Variants in PADI4 observed in about 807,000 individuals in gnomAD.
The protein encoded by PADI4 is peptidyl arginine deiminase 4.
In PADI4, 62 loss-of-function variants were observed where a neutral mutation model predicts 75.0. That is an observed-to-expected ratio of 0.83 (90% CI 0.67 to 1.02). PADI4 has a LOEUF of 1.02. PADI4 is among the 50% of genes least tolerant of loss of function. The pLI is 0.00. For synonymous variants in PADI4, 361 were observed against 348.1 expected (o/e 1.04, Z -0.41); for missense variants, 845 against 850.5 (o/e 0.99, Z 0.08).
At chr1:17,347,764 A>T (rs1361238642) in intron 9 of PADI4, among the ~76,000 whole-genome samples, 177 bp from the exon 10 acceptor site, 1 of 152,214 alleles carries the variant, frequency 6.6e-6, no homozygotes, top group Non-Finnish European at 1.5e-5. Context: ...GCACTGGGCA[A>T]ACAGGGGGCA....
At chr1:17,337,694 G>A (rs944284894) in intron 4 of PADI4, among the ~76,000 whole-genome samples, 14 of 152,056 alleles carry the variant, frequency 9.2e-5, no homozygotes, top group Admixed American at 2.0e-4. Context: ...GAGGAGGATG[G>A]ATCATGAGGT....
chr1:17,355,970 C>G lies in PADI4; in HGVS notation c.1311-13C>G. 1 of 1,614,160 alleles carries G rather than the reference C, an allele frequency of 6.2e-7. No individual in the cohort carries two copies. Among genetic ancestry groups the G allele is most frequent in the Middle Eastern group, 1.7e-4 (1 of 6,032 alleles). ...TTGCTGCCGATAACACCCCTTTAACCCTGCCATGACAGCAATGACAGCCGG... is the reference window on the plus strand; with the variant it reads ...TTGCTGCCGATAACACCCCTTTAACGCTGCCATGACAGCAATGACAGCCGG... On this transcript the variant is annotated splice_polypyrimidine_tract_variant and intron_variant, in intron 11 of 15. Transcript: ENST00000375448.
chr1:17,340,778 G>A (rs1376786226), intron 6 of PADI4, among the ~76,000 whole-genome samples: 1 of 149,834 alleles, frequency 6.7e-6, no homozygotes, highest in African/African-American at 2.5e-5. Context: ...ATTCTGCCTG[G>A]TCTATTCCAA....
In PADI4 at chr1:17,363,867, TC is replaced by T; in HGVS notation, c.*115del. The T allele has an allele frequency of 1.5e-6, 1 of 685,630 alleles. No individual in the cohort carries two copies. The allele number at this position is 685,630 out of a possible 1,614,324, so 42.5% of individuals were successfully genotyped here. ...GTGGCTCCCTGGGGGCGGCCAGCCC[TC>T]CCAGCAGTGGCTTGCTTTCTTCTCC... On this transcript the variant is annotated 3_prime_UTR_variant, in exon 16 of 16. Transcript: ENST00000375448.
intron 1 of PADI4, among the ~76,000 whole-genome samples, chr1:17,323,642 T>A (rs1364717320): frequency 1.3e-5 from 2 of 152,122 alleles, no homozygotes; most frequent in African/African-American, 4.8e-5. Flanking sequence ...AAGACTAGCC[T>A]GCATGACATG....
At chr1:17,350,592 G>A (rs1482408451) in intron 10 of PADI4, among the ~76,000 whole-genome samples, 1 of 130,702 alleles carries the variant, frequency 7.7e-6, no homozygotes, top group Non-Finnish European at 1.7e-5. Flanking sequence ...CACTCTTGGG[G>A]GGCCACTTCT....
At position 17,342,024 on chromosome 1, in the gene PADI4, A is replaced by G; in HGVS notation, c.734A>G (p.His245Arg). ...SHYLMVPGGK[H>R]NMDFYVEALA... ...TACCTGATGGTCCCCGGTGGAAAGC[A>G]CAACATGGACTTCTACGTGGAGGCC... Residue 245 changes from histidine (H) to arginine (R), a missense_variant, in exon 7 of 16, where the codon CAC becomes CGC. Coordinates refer to ENST00000375448, the MANE Select transcript of PADI4 (RefSeq NM_012387.3). 6.2e-7 allele frequency: 1 copy of G among 1,613,954 alleles called. No individual in the cohort carries two copies. The highest frequency in any genetic ancestry group is 8.5e-7 in the Non-Finnish European group (1 of 1,179,832).
intron 3 of PADI4, 25 bp from the exon 4 acceptor site, chr1:17,336,134 C>G (rs2074305023): frequency 2.5e-6 from 4 of 1,580,328 alleles, no homozygotes; most frequent in Non-Finnish European, 3.5e-6. Context: ...TCACCAACCT[C>G]TCCTCTTACT....
At chr1:17,319,219 C>T (rs1181850630) in intron 1 of PADI4, among the ~76,000 whole-genome samples, 1 of 152,098 alleles carries the variant, frequency 6.6e-6, no homozygotes, top group Non-Finnish European at 1.5e-5. Flanking sequence ...TGCCACTTTT[C>T]CAGACCTCGG....
intron 2 of PADI4, among the ~76,000 whole-genome samples, chr1:17,333,581 A>T (rs536503498): frequency 7.3e-5 from 11 of 151,492 alleles, no homozygotes; most frequent in Non-Finnish European, 1.5e-4. Context: ...TCTGCTTGCC[A>T]GAGTCAGTTC....
At chr1:17,360,606 C>T (rs763962626) in intron 15 of PADI4, among the ~76,000 whole-genome samples, 1 of 152,200 alleles carries the variant, frequency 6.6e-6, no homozygotes, top group Non-Finnish European at 1.5e-5. Context: ...AGTCTATCGT[C>T]GCTTCTGCCA....
chr1:17,362,057 A>G lies in PADI4; in HGVS notation c.1759-1465A>G, dbSNP rs146894568. 7.9e-5 allele frequency among the ~76,000 whole-genome samples: 12 copies of G among 152,220 alleles called. No individual in the cohort carries two copies. The East Asian group carries it at 2.3e-3, about 29-fold the overall frequency. ...GGTGACAGGTAGGGGAGGAGAACGT[A>G]GTGTTAAGAGCATGGGCAGCATCAG... is the stretch of plus-strand genomic sequence containing the variant. On this transcript the variant is annotated intron_variant, in intron 15 of 15. Coordinates refer to ENST00000375448, the MANE Select transcript of PADI4 (RefSeq NM_012387.3).
At chr1:17,322,219 G>T (rs2074041534) in intron 1 of PADI4, among the ~76,000 whole-genome samples, 1 of 152,234 alleles carries the variant, frequency 6.6e-6, no homozygotes, top group African/African-American at 2.4e-5. Flanking sequence ...TGGGCGTGGT[G>T]GCTCATGCCT....
At chr1:17,334,695 C>T (rs2074279440) in intron 3 of PADI4, 1 of 451,610 alleles carries the variant, frequency 2.2e-6, no homozygotes, top group Admixed American at 2.4e-5. Context: ...CCTCAAATTC[C>T]ATTATTTATA....
Position 17,356,112 on chromosome 1 carries a change from A to T in PADI4, c.1440A>T (p.Pro480=), listed in dbSNP as rs143293375. The T allele has an allele frequency of 1.8e-4, 284 of 1,614,172 alleles. No homozygotes were observed. In the African/African-American group the frequency reaches 3.5e-3, roughly 20 times the overall value. The part of the protein sequence containing the change: ...GHVDEFLSFV[P]APDRKGFRLL... ...TGGACGAGTTCCTGAGCTTTGTGCC[A>T]GCACCCGACAGGAAGGTACAGTCTT... Residue 480 remains proline (P), a synonymous_variant, in exon 12 of 16, where the codon CCA becomes CCT. Coordinates refer to ENST00000375448, the MANE Select transcript of PADI4 (RefSeq NM_012387.3). The surrounding 1 kb of genome is among the most constrained non-coding windows in gnomAD (Gnocchi z 4.1).
At chr1:17,332,706 G>A (rs1570026371) in intron 2 of PADI4, among the ~76,000 whole-genome samples, 1 of 152,134 alleles carries the variant, frequency 6.6e-6, no homozygotes, top group East Asian at 1.9e-4. Context: ...GACCCTCTGG[G>A]GTTCCCACAG....
chr1:17,332,498 C>A (rs993045869), intron 2 of PADI4, among the ~76,000 whole-genome samples: 1 of 152,218 alleles, frequency 6.6e-6, no homozygotes, highest in African/African-American at 2.4e-5. Flanking sequence ...GATCCACTCA[C>A]CTCGGCCTCC....
chr1:17,315,738 G>A (rs1232824764), intron 1 of PADI4, among the ~76,000 whole-genome samples: 1 of 151,922 alleles, frequency 6.6e-6, no homozygotes, highest in African/African-American at 2.4e-5. Context: ...TCTAAAAATC[G>A]GTGCCTGCTG....
intron 13 of PADI4, among the ~76,000 whole-genome samples, chr1:17,357,190 C>T (rs965198950): frequency 5.3e-5 from 8 of 152,142 alleles, no homozygotes; most frequent in East Asian, 1.9e-4. Context: ...TCTTTTGAAA[C>T]GAAGTTTTCC....
Sources: gnomAD v4.1 joint callset for allele counts (sites outside exome capture counted in the v4.1 genomes callset) on GRCh38, gnomAD v4.1.1 for gene constraint, Gnocchi (gnomAD v3.1) non-coding constraint, MANE v1.5 for transcripts, NCBI Gene and HGNC (gene_info 2026-07-23, HGNC 2026-07-21) for gene names.